Variants in MDGA2 observed in about 807,000 individuals in gnomAD.
MDGA2 encodes MAM domain-containing glycosylphosphatidylinositol anchor protein 2.
A neutral mutation model predicts 117.8 loss-of-function variants in MDGA2; 40 were observed. The ratio of observed to expected loss-of-function variants is 0.34; its 90% confidence interval spans 0.26 to 0.44. MDGA2 has a LOEUF of 0.44. Among genes scored for constraint, MDGA2 ranks in the 20% least tolerant of loss-of-function variants. The pLI is 1.00. For missense variants in MDGA2, 1,123 were observed against 1,250.6 expected, an observed-to-expected ratio of 0.90 and a Z score of 1.54; for synonymous variants, 452 against 439.0, an observed-to-expected ratio of 1.03 and a Z score of -0.37.
intron 1 of MDGA2, among the ~76,000 whole-genome samples, chr14:47,406,210 T>G (rs926796343): frequency 6.6e-6 from 1 of 152,122 alleles, no homozygotes; most frequent in Non-Finnish European, 1.5e-5. Flanking sequence ...TAAATTTTAA[T>G]AAAACTAATA....
Position 47,061,421 on chromosome 14 carries a change from A to G in MDGA2, c.1353T>C (p.Ser451=). 3 of 1,613,668 alleles carry G rather than the reference A, an allele frequency of 1.9e-6. No individual in the cohort carries two copies. Among genetic ancestry groups the G allele is most frequent in the Non-Finnish European group, 2.5e-6 (3 of 1,179,674 alleles). Residue 451 remains serine, a synonymous_variant, in exon 7 of 17, where the codon AGT becomes AGC. Coordinates refer to ENST00000399232, the MANE Select transcript of MDGA2 (RefSeq NM_001113498.3). ...TCTGTGTAATGACCATCCGCTCAGA[A>G]CTTCTTAATGGACGACCATTTTTAA... ...SWFKNGRPLR[S]SERMVITQTD... is the part of the protein sequence containing the mutation.
At chr14:47,278,991 T>C (rs1418811011) in intron 2 of MDGA2, among the ~76,000 whole-genome samples, 2 of 152,202 alleles carry the variant, frequency 1.3e-5, no homozygotes, top group African/African-American at 2.4e-5. Flanking sequence ...TGCTTTTTGA[T>C]TGATTTATGT....
intron 1 of MDGA2, among the ~76,000 whole-genome samples, chr14:47,335,979 T>G (rs1890445241): frequency 6.6e-6 from 1 of 151,238 alleles, no homozygotes; most frequent in African/African-American, 2.4e-5. Context: ...TCAATACAAA[T>G]TTAGGAATTT....
At chr14:47,365,025 GA>G (rs1292364169) in intron 1 of MDGA2, among the ~76,000 whole-genome samples, 4 of 152,166 alleles carry the variant, frequency 2.6e-5, no homozygotes, top group Non-Finnish European at 4.4e-5. Flanking sequence ...TCAATTTGAA[GA>G]AAACCCAACT....
intron 7 of MDGA2, among the ~76,000 whole-genome samples, chr14:47,041,796 T>C (rs573115336): frequency 1.3e-5 from 2 of 152,180 alleles, no homozygotes; most frequent in South Asian, 2.1e-4. Flanking sequence ...ACTTAGAAAA[T>C]GGCTTAAAAG....
chr14:47,654,114 C>A (rs892340498), intron 1 of MDGA2, among the ~76,000 whole-genome samples: 2 of 152,136 alleles, frequency 1.3e-5, no homozygotes, highest in Admixed American at 1.3e-4. Flanking sequence ...AAGAAATTCA[C>A]CTCTACAAAT....
intron 8 of MDGA2, among the ~76,000 whole-genome samples, chr14:47,028,020 TTAAGA>T (rs1411814777): frequency 6.6e-6 from 1 of 152,134 alleles, no homozygotes; most frequent in African/African-American, 2.4e-5. Context: ...TTCTTCTTTT[TTAAGA>T]TAAGATCTTA....
intron 6 of MDGA2, among the ~76,000 whole-genome samples, chr14:47,094,468 G>A (rs548759385): frequency 6.6e-6 from 1 of 152,134 alleles, no homozygotes; most frequent in South Asian, 2.1e-4. Context: ...TACAAAGGGT[G>A]CATAAGCAAC....
intron 12 of MDGA2, among the ~76,000 whole-genome samples, chr14:46,877,027 C>G (rs1312115544): frequency 6.6e-6 from 1 of 151,526 alleles, no homozygotes; most frequent in Non-Finnish European, 1.5e-5. Flanking sequence ...AGACCAAATA[C>G]ATTGGAGTGT....
intron 1 of MDGA2, among the ~76,000 whole-genome samples, chr14:47,416,493 G>C (rs1031700050): frequency 6.6e-6 from 1 of 152,084 alleles, no homozygotes; most frequent in Non-Finnish European, 1.5e-5. Flanking sequence ...GGGACATGTT[G>C]CTCTTCCAGG....
intron 10 of MDGA2, among the ~76,000 whole-genome samples, chr14:46,894,432 T>C (rs991100035): frequency 2.6e-5 from 4 of 152,108 alleles, no homozygotes; most frequent in Non-Finnish European, 5.9e-5. Flanking sequence ...TTTTTCACCA[T>C]TGGGAAGGCC....
At chr14:47,657,903 G>T (rs1282765083) in intron 1 of MDGA2, among the ~76,000 whole-genome samples, 1 of 152,108 alleles carries the variant, frequency 6.6e-6, no homozygotes, top group Non-Finnish European at 1.5e-5. Flanking sequence ...ATTATATGTA[G>T]CTGTGTCCCC....
intron 1 of MDGA2, among the ~76,000 whole-genome samples, chr14:47,649,433 C>T (rs1897595938): frequency 6.6e-6 from 1 of 152,114 alleles, no homozygotes; most frequent in African/African-American, 2.4e-5. Context: ...TTTGGTCATC[C>T]AATTTTACAC....
chr14:47,102,049 A>C (rs2139005987), intron 5 of MDGA2, among the ~76,000 whole-genome samples: 2 of 152,238 alleles, frequency 1.3e-5, no homozygotes, highest in Non-Finnish European at 2.9e-5. Flanking sequence ...TTTTGCCGCT[A>C]CCTAACATAA....
chr14:46,938,934 A>C (rs1884892152), intron 9 of MDGA2, among the ~76,000 whole-genome samples: 1 of 152,240 alleles, frequency 6.6e-6, no homozygotes, highest in Admixed American at 6.5e-5. Context: ...TTTGGCCATA[A>C]AAAAGTATGA....
At chr14:47,245,261 T>C (rs1887199944) in intron 2 of MDGA2, among the ~76,000 whole-genome samples, 1 of 151,828 alleles carries the variant, frequency 6.6e-6, no homozygotes, top group Admixed American at 6.6e-5. Context: ...ACTCCTGAGG[T>C]CAAGAGATCC....
intron 12 of MDGA2, among the ~76,000 whole-genome samples, chr14:46,876,191 T>G (rs1197900622): frequency 2.0e-5 from 3 of 151,434 alleles, no homozygotes; most frequent in East Asian, 1.9e-4. Context: ...CTCGATTCCT[T>G]CTAAGGACAT....
chr14:47,318,656 G>C (rs1468600069), intron 1 of MDGA2, among the ~76,000 whole-genome samples: 1 of 152,010 alleles, frequency 6.6e-6, no homozygotes, highest in African/African-American at 2.4e-5. Flanking sequence ...TTATCCCAAG[G>C]ACCAAGCAAT....
At chr14:47,013,792 A>ATATATATATATATATATC (rs1286303405) in intron 8 of MDGA2, among the ~76,000 whole-genome samples, 1 of 134,054 alleles carries the variant, frequency 7.5e-6, no homozygotes, top group Admixed American at 7.6e-5. Context: ...ATATATATAT[A>ATATATATATATATATATC]TCTCCTTTTT....
Sources: allele counts gnomAD v4.1 joint callset (sites outside exome capture counted in the v4.1 genomes callset), GRCh38; gene constraint gnomAD v4.1.1; transcripts MANE v1.5; gene names NCBI Gene and HGNC (gene_info 2026-07-23, HGNC 2026-07-21).